The following SBF2 variants were observed in gnomAD, a reference collection of about 807,000 sequenced individuals.
SBF2 encodes SET binding factor 2, also known as myotubularin-related protein 13.
A neutral mutation model predicts 225.2 loss-of-function variants in SBF2; 112 were observed. The observed-to-expected ratio is 0.50, with a 90% CI of 0.43 to 0.58. SBF2 has a LOEUF of 0.58. SBF2 is among the 20% of genes least tolerant of loss of function. The pLI is 0.00. For missense variants in SBF2, 1,996 were observed against 2,206.2 expected, an observed-to-expected ratio of 0.90 and a Z score of 1.91; for synonymous variants, 763 against 773.3, an observed-to-expected ratio of 0.99 and a Z score of 0.22.
chr11:10,157,256 C>T (rs545337395), intron 2 of SBF2, among the ~76,000 whole-genome samples: 3 of 152,150 alleles, frequency 2.0e-5, no homozygotes, highest in East Asian at 1.9e-4. Flanking sequence ...ACACCATATA[C>T]AAAAATTAAC....
intron 2 of SBF2, among the ~76,000 whole-genome samples, chr11:10,177,336 G>A (rs1254695500): frequency 2.1e-5 from 3 of 145,138 alleles, no homozygotes; most frequent in Non-Finnish European, 1.5e-5. Context: ...TGGAAGTTCT[G>A]GCCAGGGCAA....
intron 25 of SBF2, among the ~76,000 whole-genome samples, chr11:9,842,008 T>C (rs1466044259): frequency 6.6e-6 from 1 of 152,226 alleles, no homozygotes; most frequent in Non-Finnish European, 1.5e-5. Flanking sequence ...GCATTCTGCC[T>C]CCCATTATAT....
At chr11:9,852,119 G>A (rs920360021) in intron 21 of SBF2, among the ~76,000 whole-genome samples, 1 of 152,190 alleles carries the variant, frequency 6.6e-6, no homozygotes, top group South Asian at 2.1e-4. Flanking sequence ...ATATAGGCAA[G>A]AGGGTCCTGA....
intron 1 of SBF2, among the ~76,000 whole-genome samples, chr11:10,251,667 C>A (rs933046368): frequency 6.6e-6 from 1 of 152,166 alleles, no homozygotes; most frequent in Non-Finnish European, 1.5e-5. Context: ...ATTATCCTCC[C>A]AATAGTCATG....
chr11:10,211,243 G>T (rs968255416), intron 1 of SBF2, among the ~76,000 whole-genome samples: 4 of 152,024 alleles, frequency 2.6e-5, no homozygotes, highest in African/African-American at 7.2e-5. Context: ...AATGAAGGAG[G>T]CTTCACTGTG....
chr11:10,199,118 T>C (rs1374901123), intron 1 of SBF2, among the ~76,000 whole-genome samples: 2 of 152,170 alleles, frequency 1.3e-5, no homozygotes, highest in Non-Finnish European at 2.9e-5. Flanking sequence ...GTGAGAGACA[T>C]GCAATTCTTC....
chr11:9,933,171 G>C lies in SBF2; in HGVS notation c.1860+28786C>G, dbSNP rs1864626743. 2.0e-5 allele frequency among the ~76,000 whole-genome samples: 3 copies of C among 152,044 alleles called. No individual in the cohort carries two copies. In the South Asian group the frequency reaches 6.2e-4, roughly 32 times the overall value. ...CAGATTCATAAAGCAAGTCCTGAGA[G>C]ACCTACAAAGAGACTTAGACTCCTA... On this transcript the variant is annotated intron_variant, in intron 16 of 39. Coordinates refer to ENST00000256190, the MANE Select transcript of SBF2 (RefSeq NM_030962.4).
chr11:10,058,418 G>C (rs1205302225), intron 2 of SBF2, among the ~76,000 whole-genome samples: 1 of 152,104 alleles, frequency 6.6e-6, no homozygotes, highest in Non-Finnish European at 1.5e-5. Flanking sequence ...AAGAATCTCA[G>C]AACTTGAAGA....
In SBF2 at chr11:9,998,293, T is replaced by C. The variant is rs772340409; in HGVS notation, c.948A>G (p.Leu316=). ...IHLSSLPEPL[L]HQTQSALSLI... Reference sequence around the variant, plus strand: ...AAGAAAGAGCTGATTGAGTCTGATGTAGAAGTGGTTCTGGGAGGGAAGAGA... The same window carrying C: ...AAGAAAGAGCTGATTGAGTCTGATGCAGAAGTGGTTCTGGGAGGGAAGAGA... Residue 316 remains leucine, a synonymous_variant, in exon 9 of 40, where the codon CTA becomes CTG. Coordinates refer to ENST00000256190, the MANE Select transcript of SBF2 (RefSeq NM_030962.4). The C allele has an allele frequency of 3.1e-6, 5 of 1,601,108 alleles. No homozygotes were observed. The Admixed American group carries it at 5.0e-5, about 16-fold the overall frequency.
At chr11:10,222,421 C>T (rs1958372812) in intron 1 of SBF2, among the ~76,000 whole-genome samples, 2 of 152,036 alleles carry the variant, frequency 1.3e-5, no homozygotes, top group Non-Finnish European at 2.9e-5. Flanking sequence ...GAAAAATTAA[C>T]AAAGCAATAG....
chr11:10,150,144 C>T (rs1176365449), intron 2 of SBF2, among the ~76,000 whole-genome samples: 1 of 152,068 alleles, frequency 6.6e-6, no homozygotes, highest in East Asian at 1.9e-4. Flanking sequence ...CTTATCTATG[C>T]CAAAATCCAA....
chr11:9,847,518 C>CAAA lies in SBF2; in HGVS notation c.2807-438_2807-436dup, dbSNP rs3072276. 3.5e-3 allele frequency among the ~76,000 whole-genome samples: 481 copies of CAAA among 137,354 alleles called. 3 individuals carry two copies. The highest frequency in any genetic ancestry group is 7.6e-3 in the Middle Eastern group (2 of 262). The allele number at this position is 137,354 out of a possible 152,430, so 90.1% of individuals were successfully genotyped here. A position where few individuals can be genotyped will look rare whatever the true frequency, so the allele number is the denominator to read the frequency against. ...CAATTTTATAGGAAGGGAGGTTTTA[C>CAAA]AAAAAAAAAAAAAATACTCCTCAAG... On this transcript the variant is annotated intron_variant, in intron 22 of 39. Transcript: ENST00000256190.
intron 17 of SBF2, among the ~76,000 whole-genome samples, chr11:9,888,873 C>T (rs903006583): frequency 2.0e-5 from 3 of 152,142 alleles, no homozygotes; most frequent in Non-Finnish European, 4.4e-5. Context: ...ATTTCCTTCA[C>T]CTTAAAATGG....
At chr11:10,076,974 C>A (rs1951145553) in intron 2 of SBF2, among the ~76,000 whole-genome samples, 1 of 152,070 alleles carries the variant, frequency 6.6e-6, no homozygotes, top group South Asian at 2.1e-4. Flanking sequence ...ACAGCCTAGT[C>A]CATCACCTAA....
At chr11:10,113,086 T>A (rs1952955783) in intron 2 of SBF2, among the ~76,000 whole-genome samples, 1 of 152,118 alleles carries the variant, frequency 6.6e-6, no homozygotes, top group African/African-American at 2.4e-5. Context: ...CTCCACCTCC[T>A]GGGCTTAAGC....
At chr11:10,088,949 T>C (rs949814046) in intron 2 of SBF2, among the ~76,000 whole-genome samples, 1 of 152,334 alleles carries the variant, frequency 6.6e-6, no homozygotes, top group East Asian at 1.9e-4. Context: ...ATAAATTAAC[T>C]GAAATAATTA....
chr11:10,143,385 T>C (rs1954741361), intron 2 of SBF2, among the ~76,000 whole-genome samples: 1 of 152,182 alleles, frequency 6.6e-6, no homozygotes, highest in African/African-American at 2.4e-5. Flanking sequence ...TTGGTCAGGC[T>C]GGTCTCGAAC....
chr11:10,026,001 T>G (rs894802061), intron 6 of SBF2, among the ~76,000 whole-genome samples: 1 of 152,048 alleles, frequency 6.6e-6, no homozygotes, highest in African/African-American at 2.4e-5. Flanking sequence ...GAGCTTTGGG[T>G]TTTAGAAATT....
At chr11:9,928,889 G>T in intron 16 of SBF2, 3 of 360,590 alleles carry the variant, frequency 8.3e-6, no homozygotes, top group South Asian at 2.5e-5. Flanking sequence ...TCATGTTTTA[G>T]ACTATGAAAA....
Sources: gnomAD v4.1 joint callset for allele counts (sites outside exome capture counted in the v4.1 genomes callset) on GRCh38, gnomAD v4.1.1 for gene constraint, MANE v1.5 for transcripts, NCBI Gene and HGNC (gene_info 2026-07-23, HGNC 2026-07-21) for gene names.